UNC5CL: variants seen among roughly 807,000 people sequenced by gnomAD.
The protein encoded by UNC5CL is UNC5C-like protein.
UNC5CL carries 42 observed loss-of-function variants against 54.1 expected under a neutral mutation model. The observed-to-expected ratio is 0.78, with a 90% CI of 0.61 to 1.00. The LOEUF (loss-of-function observed/expected upper bound fraction) is 1.00, where lower values mean the gene tolerates loss of function less well. Among genes scored for constraint, UNC5CL ranks in the 50% least tolerant of loss-of-function variants. The pLI is 0.00. For missense variants in UNC5CL, 619 were observed against 675.6 expected, an observed-to-expected ratio of 0.92 and a Z score of 0.93; for synonymous variants, 285 against 285.1, an observed-to-expected ratio of 1.00 and a Z score of 0.00.
rs545203479 is a variant in UNC5CL at position 41,031,893 on chromosome 6, T to C, written c.1051+143A>G. 8.4e-5 allele frequency: 103 copies of C among 1,226,304 alleles called. No homozygotes were observed. The African/African-American group carries it at 1.1e-3, about 13-fold the overall frequency. The allele number at this position is 1,226,304 out of a possible 1,614,324, so 76.0% of individuals were successfully genotyped here. On this transcript the variant is annotated intron_variant, in intron 5 of 8. Transcript: ENST00000244565. ...CTCCATTTTTCTCTCTGCAAAGATC[T>C]GTGTGGCTCCTGGCCTTTCAGGGAA...
chr6:41,035,217 G>T, intron 1 of UNC5CL, 82 bp from the exon 2 acceptor site: 1 of 1,073,744 alleles, frequency 9.3e-7, no homozygotes, highest in Non-Finnish European at 1.3e-6. Flanking sequence ...ATAGCTGCAA[G>T]TTGTCTTCAT....
chr6:41,037,776 G>A (rs1762541180), intron 1 of UNC5CL, among the ~76,000 whole-genome samples: 1 of 152,262 alleles, frequency 6.6e-6, no homozygotes. Context: ...CAAAGCTGAT[G>A]GGAAGGGGGT....
chr6:41,037,164 A>C (rs1235890890), intron 1 of UNC5CL, among the ~76,000 whole-genome samples: 1 of 152,160 alleles, frequency 6.6e-6, no homozygotes, highest in Non-Finnish European at 1.5e-5. Context: ...CTCTCTCCAC[A>C]GCCATCCCAC....
rs1762425697 is a variant in UNC5CL at position 41,029,271 on chromosome 6, C to A, written c.1335-676G>T. On this transcript the variant is annotated intron_variant, in intron 8 of 8. Transcript: ENST00000244565. The surrounding 1 kb of genome is among the most constrained non-coding windows in gnomAD (Gnocchi z 4.1). ...TACTCCCCAAAACAAAATGGCTGAT[C>A]TCTTCCCCATCACTTCCTCCCTGAA... 6.6e-6 allele frequency among the ~76,000 whole-genome samples: 1 copy of A among 152,224 alleles called. No homozygotes were observed. Among genetic ancestry groups the A allele is most frequent in the South Asian group, 2.1e-4 (1 of 4,828 alleles).
intron 5 of UNC5CL, 36 bp downstream of exon 5, chr6:41,032,000 A>G (rs1358928151): frequency 2.5e-6 from 4 of 1,599,280 alleles, no homozygotes; most frequent in Non-Finnish European, 2.6e-6. Flanking sequence ...ATGGGAAAAG[A>G]GAGGGGAGGA....
Position 41,030,443 on chromosome 6 carries a change from CG to C in UNC5CL, c.1278del (p.Gly427AlafsTer16), listed in dbSNP as rs769729691. The C allele has an allele frequency of 6.2e-7, 1 of 1,614,146 alleles. No individual in the cohort carries two copies. Among genetic ancestry groups the C allele is most frequent in the Non-Finnish European group, 8.5e-7 (1 of 1,180,028 alleles). ...GAGGCCAGTCTGCGCCAGTCATTGC[CG>C]GTGATGCTGTTTGGCTCCAATAACA... ...LRMLLEPNSI[T>X]GNDWRRLASH... On this transcript the variant is annotated frameshift_variant, in exon 8 of 9. Coordinates refer to ENST00000244565, the MANE Select transcript of UNC5CL (RefSeq NM_173561.3). LOFTEE classifies it high-confidence loss of function.
chr6:41,028,165 A>G lies in UNC5CL; in HGVS notation c.*208T>C. Reference sequence around the variant, plus strand: ...TGGGCTCCTGCGCCCTCTGCCGGCCAGGAGGGGACCCGCACGCGGGACAGC... The same window carrying G: ...TGGGCTCCTGCGCCCTCTGCCGGCCGGGAGGGGACCCGCACGCGGGACAGC... On this transcript the variant is annotated 3_prime_UTR_variant, in exon 9 of 9. Transcript: ENST00000244565. The surrounding 1 kb of genome is among the most constrained non-coding windows in gnomAD (Gnocchi z 4.3). The G allele has an allele frequency of 1.7e-6, 1 of 585,430 alleles. No homozygotes were observed. The highest frequency in any genetic ancestry group is 3.3e-5 in the Admixed American group (1 of 30,162). The allele number at this position is 585,430 out of a possible 1,614,324, so 36.3% of individuals were successfully genotyped here. A position where few individuals can be genotyped will look rare whatever the true frequency, so the allele number is the denominator to read the frequency against.
chr6:41,032,270 G>T, intron 4 of UNC5CL, 133 bp from the exon 5 acceptor site: 1 of 733,102 alleles, frequency 1.4e-6, no homozygotes, highest in Non-Finnish European at 2.3e-6. Context: ...CCAGAGCCTG[G>T]GCTGGGACCC....
rs1205812613 is a variant in UNC5CL, at chr6:41,030,715, G to A, written c.1160C>T (p.Ala387Val). The change falls in exon 7 of 9, where the codon GCA becomes GTA. Residue 387 changes from alanine to valine, a missense_variant. Ala to Val is a moderately conservative substitution (Grantham distance 64). Coordinates refer to ENST00000244565, the MANE Select transcript of UNC5CL (RefSeq NM_173561.3). ...CGCTGCCCAGGATTCCTCCTCTGATGCCTGGAATCTGAGGATTTCCATATA... is the reference window on the plus strand; with the variant it reads ...CGCTGCCCAGGATTCCTCCTCTGATACCTGGAATCTGAGGATTTCCATATA... ...TKYMEILRFQ[A>V]SEEESWAAPP... 2 of 1,614,044 alleles carry A rather than the reference G, an allele frequency of 1.2e-6. No individual in the cohort carries two copies. The highest frequency in any genetic ancestry group is 1.7e-6 in the Non-Finnish European group (2 of 1,179,994).
intron 1 of UNC5CL, among the ~76,000 whole-genome samples, chr6:41,036,258 T>C (rs1051855104): frequency 3.3e-5 from 5 of 152,250 alleles, no homozygotes; most frequent in African/African-American, 4.8e-5. Context: ...ATTTTTACTT[T>C]CTTCCTTCAT....
rs772107788 is a variant in UNC5CL at position 41,028,643 on chromosome 6, G to A, written c.1335-48C>T. The A allele has an allele frequency of 1.0e-5, 16 of 1,550,576 alleles. No homozygotes were observed. In the African/African-American group the frequency reaches 2.0e-4, roughly 20 times the overall value. ...GAGAAGGGTGTAGGAGCAGGGAGGG[G>A]CTCCCCCCCTGCTGCAGGCTCCCTG... On this transcript the variant is annotated intron_variant, in intron 8 of 8. Transcript: ENST00000244565. This position sits in a 1 kb window ranked among gnomAD's most constrained non-coding sequence, Gnocchi z 4.3.
intron 1 of UNC5CL, among the ~76,000 whole-genome samples, chr6:41,036,656 T>C (rs1456500697): frequency 1.3e-5 from 2 of 152,110 alleles, no homozygotes; most frequent in African/African-American, 4.8e-5. Context: ...ATGTATGTGT[T>C]TCTTTATGCC....
rs1470906682 is a variant in UNC5CL at position 41,028,421 on chromosome 6, G to A, written c.1509C>T (p.Arg503=). Residue 503 remains arginine (R), a synonymous_variant, in exon 9 of 9, where the codon CGC becomes CGT. Coordinates refer to ENST00000244565, the MANE Select transcript of UNC5CL (RefSeq NM_173561.3). This position sits in a 1 kb window ranked among gnomAD's most constrained non-coding sequence, Gnocchi z 4.3. ...GGCCCTGGTTATCCCGGGCGCCCCCGCGCTCGGGGCCTGGGCTGCCGCCGT... is the reference window on the plus strand; with the variant it reads ...GGCCCTGGTTATCCCGGGCGCCCCCACGCTCGGGGCCTGGGCTGCCGCCGT... ...GTHGGSPGPE[R]GGARDNQGLE... is the part of the protein sequence containing the mutation. 1.2e-5 allele frequency: 19 copies of A among 1,611,028 alleles called. No homozygotes were observed. Among genetic ancestry groups the A allele is most frequent in the South Asian group, 2.2e-5 (2 of 90,752 alleles).
intron 4 of UNC5CL, among the ~76,000 whole-genome samples, chr6:41,032,523 C>T (rs1762466302): frequency 6.6e-6 from 1 of 152,160 alleles, no homozygotes; most frequent in African/African-American, 2.4e-5. Context: ...CTTTCAGAGG[C>T]CGAGACGGGT....
intron 6 of UNC5CL, 143 bp downstream of exon 6, chr6:41,031,538 G>A: frequency 1.3e-6 from 1 of 782,766 alleles, no homozygotes; most frequent in Non-Finnish European, 2.2e-6. Context: ...GCCCCTCAAA[G>A]AGCTGGTATG....
intron 2 of UNC5CL, 52 bp from the exon 3 acceptor site, chr6:41,034,233 G>C: frequency 6.5e-7 from 1 of 1,539,756 alleles, no homozygotes; most frequent in African/African-American, 1.4e-5. Context: ...GCACACCCCT[G>C]CCCCTGAAAG....
intron 1 of UNC5CL, among the ~76,000 whole-genome samples, chr6:41,037,369 C>T (rs1049336547): frequency 1.3e-5 from 2 of 152,222 alleles, no homozygotes; most frequent in African/African-American, 4.8e-5. Flanking sequence ...TGAGGCACAA[C>T]GTCCTCCTTC....
In UNC5CL at chr6:41,037,429, G is replaced by A. The variant is rs537250287; in HGVS notation, c.-62+1733C>T. On this transcript the variant is annotated intron_variant, in intron 1 of 8. Transcript: ENST00000244565. ...TGACTCACTAGAGGCTGCACTGGAA[G>A]AGCTTCCAGTATCCAGTCCTCCCCA... 9.8e-5 allele frequency among the ~76,000 whole-genome samples: 15 copies of A among 152,326 alleles called. No homozygotes were observed. The East Asian group carries it at 1.9e-3, about 20-fold the overall frequency.
rs1248234932 is a variant in UNC5CL, at chr6:41,028,016, C to T, written c.*357G>A. 1 of 254,598 alleles carries T rather than the reference C, an allele frequency of 3.9e-6. No individual in the cohort carries two copies. The highest frequency in any genetic ancestry group is 7.5e-6 in the Non-Finnish European group (1 of 133,280). The allele number at this position is 254,598 out of a possible 1,614,324, so 15.8% of individuals were successfully genotyped here. On this transcript the variant is annotated 3_prime_UTR_variant, in exon 9 of 9. Transcript: ENST00000244565. This position sits in a 1 kb window ranked among gnomAD's most constrained non-coding sequence, Gnocchi z 4.3. ...TTCCAGTATTCTTCATGACACCAGC[C>T]CAATGCCCGGTCTTCCTAAGTGCTC... is the stretch of plus-strand genomic sequence containing the variant.
Sources: allele counts gnomAD v4.1 joint callset (sites outside exome capture counted in the v4.1 genomes callset), GRCh38; gene constraint gnomAD v4.1.1; non-coding constraint Gnocchi (gnomAD v3.1); transcripts MANE v1.5; gene names NCBI Gene and HGNC (gene_info 2026-07-23, HGNC 2026-07-21).